HPS4: variants seen among roughly 807,000 people sequenced by gnomAD.
The protein encoded by HPS4 is HPS4 biogenesis of lysosomal organelles complex 3 subunit 2.
In HPS4, 44 loss-of-function variants were observed where a neutral mutation model predicts 70.3. The observed-to-expected ratio is 0.63, with a 90% confidence interval of 0.49 to 0.80. The LOEUF (loss-of-function observed/expected upper bound fraction) is 0.80, where lower values mean the gene tolerates loss of function less well. HPS4 is among the 30% of genes least tolerant of loss of function. HPS4 has a pLI of 0.00. For missense variants in HPS4, 873 were observed against 884.4 expected, an observed-to-expected ratio of 0.99 and a Z score of 0.16; for synonymous variants, 377 against 355.9, an observed-to-expected ratio of 1.06 and a Z score of -0.67.
chr22:26,466,114 G>A (rs1601932831), intron 9 of HPS4, 112 bp downstream of exon 9: 1 of 1,609,716 alleles, frequency 6.2e-7, no homozygotes, highest in Non-Finnish European at 8.5e-7. Flanking sequence ...CCTATTATGA[G>A]CAGAGGAAAT....
chr22:26,449,323 ATTTTTTTTTTTT>A (rs35895945), downstream of HPS4, among the ~76,000 whole-genome samples: 4 of 83,316 alleles, frequency 4.8e-5, no homozygotes, highest in Non-Finnish European at 9.2e-5. Context: ...ACTCCCCTGC[ATTTTTTTTTTTT>A]TTTTTTTTTT....
intron 9 of HPS4, chr22:26,465,829 A>G (rs947154127): frequency 9.1e-6 from 5 of 551,806 alleles, no homozygotes; most frequent in Non-Finnish European, 1.6e-5. Context: ...AGAAGATATA[A>G]GCTAAGAAAG....
At chr22:26,454,926 T>C (rs2085828190) in intron 13 of HPS4, among the ~76,000 whole-genome samples, 1 of 152,042 alleles carries the variant, frequency 6.6e-6, no homozygotes, top group African/African-American at 2.4e-5. Context: ...GCGAAGGATA[T>C]GAACAGACAC....
At chr22:26,472,464 C>T (rs1569103625) in intron 5 of HPS4, 46 bp from the exon 6 acceptor site, 2 of 1,249,014 alleles carry the variant, frequency 1.6e-6, no homozygotes, top group East Asian at 2.3e-5. Flanking sequence ...TTTTGAGGGA[C>T]AGATTCTTTG....
intron 11 of HPS4, among the ~76,000 whole-genome samples, chr22:26,462,106 A>T (rs2087399630): frequency 6.7e-6 from 1 of 148,214 alleles, no homozygotes; most frequent in Non-Finnish European, 1.5e-5. Context: ...AGCCTGGGCA[A>T]CAAGAGCGGA....
chr22:26,460,483 A>G (rs1408753954), intron 11 of HPS4, among the ~76,000 whole-genome samples: 1 of 152,268 alleles, frequency 6.6e-6, no homozygotes, highest in African/African-American at 2.4e-5. Context: ...ACGTGCTAAC[A>G]GTCATCCCTT....
At position 26,464,042 on chromosome 22, in the gene HPS4, T is replaced by TCAGCCTG; in HGVS notation, c.1581_1587dup (p.Thr530GlnfsTer31). 1.2e-6 allele frequency: 2 copies of TCAGCCTG among 1,614,250 alleles called. No homozygotes were observed. The highest frequency in any genetic ancestry group is 1.7e-6 in the Non-Finnish European group (2 of 1,180,052). On this transcript the variant is annotated frameshift_variant, in exon 11 of 14. Transcript: ENST00000398145. LOFTEE classifies it high-confidence loss of function. ...AGCCCCATGCAGGACTCTGCTGGTG[T>TCAGCCTG]CAGCCTGGAGCTGATTCCATCTGCA...
chr22:26,477,008 A>C lies in HPS4; in HGVS notation c.261T>G (p.Asp87Glu). The stretch of plus-strand genomic sequence containing the variant: ...TTCAACTTACCCAAAGGTAATCTCC[A>C]TCAACTTTTATGGCAAACTTCAGTT... Reference protein sequence around the residue: ...LRKLKFAIKVDGDYLWVLGCA... With the variant: ...LRKLKFAIKVEGDYLWVLGCA... The change falls in exon 4 of 14, where the codon GAT (aspartate) becomes GAG (glutamate). Residue 87 changes from aspartate to glutamate, a missense_variant. Coordinates refer to ENST00000398145, the MANE Select transcript of HPS4 (RefSeq NM_022081.6). 1 of 1,614,130 alleles carries C rather than the reference A, an allele frequency of 6.2e-7. No individual in the cohort carries two copies. The highest frequency in any genetic ancestry group is 8.5e-7 in the Non-Finnish European group (1 of 1,179,966).
At chr22:26,478,746 G>A (rs1427985792) in intron 3 of HPS4, among the ~76,000 whole-genome samples, 9 of 92,408 alleles carry the variant, frequency 9.7e-5, no homozygotes, top group African/African-American at 2.4e-4. Context: ...GTGCAATGGC[G>A]CAGTCTCTGC....
chr22:26,443,758 A>G (rs1221439528), downstream of HPS4: 1 of 152,462 alleles, frequency 6.6e-6, no homozygotes. Flanking sequence ...TGGCTTCAGT[A>G]GCCAGGTGGA....
intron 3 of HPS4, among the ~76,000 whole-genome samples, chr22:26,478,220 A>T (rs1459568105): frequency 1.3e-5 from 2 of 152,060 alleles, no homozygotes; most frequent in African/African-American, 4.8e-5. Context: ...CAACATCTAG[A>T]ATTTGCTCCA....
downstream of HPS4, chr22:26,443,129 A>T (rs369235514): frequency 2.5e-6 from 4 of 1,613,960 alleles, no homozygotes; most frequent in East Asian, 6.7e-5. Flanking sequence ...GGTGGTTTTC[A>T]TGGTGGATTT....
intron 7 of HPS4, among the ~76,000 whole-genome samples, chr22:26,469,830 A>T (rs1248718122): frequency 6.6e-6 from 1 of 152,238 alleles, no homozygotes; most frequent in African/African-American, 2.4e-5. Flanking sequence ...CCATCATGAT[A>T]AGAACCGGGG....
rs2085473894 is a variant in HPS4, at chr22:26,453,099, AAAACTC to A, written c.*128_*133del. Reference sequence around the variant, plus strand: ...ATCCCAATCTGCAAAAGGAATAACAAAAACTCAAATATCATTTGGTTCCTAAAAAAG... The same window carrying A: ...ATCCCAATCTGCAAAAGGAATAACAAAAATATCATTTGGTTCCTAAAAAAG... On this transcript the variant is annotated 3_prime_UTR_variant, in exon 14 of 14. Coordinates refer to ENST00000398145, the MANE Select transcript of HPS4 (RefSeq NM_022081.6). 1.9e-6 allele frequency: 2 copies of A among 1,026,454 alleles called. No homozygotes were observed. Among genetic ancestry groups the A allele is most frequent in the South Asian group, 2.9e-5 (2 of 69,340 alleles). 63.6% of individuals were successfully genotyped at this position (1,026,454 alleles called of 1,614,324 possible).
At position 26,466,402 on chromosome 22, in the gene HPS4, A is replaced by C; in HGVS notation, c.670-140T>G. ...TGTCCCAACCACATGCTAAGAGCCA[A>C]GCAGATGGAACAGAAGCTCCCCCAA... is the stretch of plus-strand genomic sequence containing the variant. On this transcript the variant is annotated intron_variant, in intron 8 of 13. Coordinates refer to ENST00000398145, the MANE Select transcript of HPS4 (RefSeq NM_022081.6). 3 of 909,650 alleles carry C rather than the reference A, an allele frequency of 3.3e-6. No homozygotes were observed. In the South Asian group the frequency reaches 4.2e-5, roughly 13 times the overall value. 56.3% of individuals were successfully genotyped at this position (909,650 alleles called of 1,614,324 possible). A position where few individuals can be genotyped will look rare whatever the true frequency, so the allele number is the denominator to read the frequency against.
chr22:26,468,502 C>CA (rs1485674869), intron 8 of HPS4, 49 bp downstream of exon 8: 1 of 1,515,710 alleles, frequency 6.6e-7, no homozygotes, highest in East Asian at 2.3e-5. Flanking sequence ...GCTCAGTGAC[C>CA]AGTGCTCTGG....
rs1229102172 is a variant in HPS4 at position 26,451,505 on chromosome 22, T to G, written c.*1728A>C. On this transcript the variant is annotated 3_prime_UTR_variant, in exon 14 of 14. Coordinates refer to ENST00000398145, the MANE Select transcript of HPS4 (RefSeq NM_022081.6). Reference sequence around the variant, plus strand: ...TGAAGTTTCAGGACTTTACTTTTTCTGAGTTAATCCAGGTGCATGAGACTT... The same window carrying G: ...TGAAGTTTCAGGACTTTACTTTTTCGGAGTTAATCCAGGTGCATGAGACTT... The G allele has an allele frequency of 6.6e-6, 1 of 152,224 alleles. No individual in the cohort carries two copies. Among genetic ancestry groups the G allele is most frequent in the East Asian group, 1.9e-4 (1 of 5,188 alleles). The allele number at this position is 152,224 out of a possible 1,614,324, so 9.4% of individuals were successfully genotyped here.
At chr22:26,454,926 TG>T (rs1217014309) in intron 13 of HPS4, among the ~76,000 whole-genome samples, 1 of 152,042 alleles carries the variant, frequency 6.6e-6, no homozygotes, top group Non-Finnish European at 1.5e-5. Flanking sequence ...GCGAAGGATA[TG>T]AACAGACACT....
At chr22:26,469,283 CAAAAAA>C (rs5844704) in intron 7 of HPS4, among the ~76,000 whole-genome samples, 3 of 105,450 alleles carry the variant, frequency 2.8e-5, no homozygotes, top group South Asian at 3.3e-4. Context: ...CCCATCTCTA[CAAAAAA>C]AAAAAAAAAA....
Sources: gnomAD v4.1 joint callset for allele counts (sites outside exome capture counted in the v4.1 genomes callset) on GRCh38, gnomAD v4.1.1 for gene constraint, MANE v1.5 for transcripts, NCBI Gene and HGNC (gene_info 2026-07-23, HGNC 2026-07-21) for gene names.